Variants in CBL observed in about 807,000 individuals in gnomAD.
The protein encoded by CBL is Cbl proto-oncogene.
Under a neutral mutation model 96.9 loss-of-function variants are expected in CBL, and 45 were observed. The observed-to-expected ratio is 0.46, with a 90% CI of 0.37 to 0.60. The LOEUF is 0.60. Ranked by LOEUF, CBL falls within the 20% of genes least tolerant of loss-of-function variation. The probability of loss-of-function intolerance (pLI) is 0.00; values close to 1 mark genes in which losing one functional copy is unlikely to be tolerated. For synonymous variants in CBL, 420 were observed against 426.8 expected (o/e 0.98, Z 0.20); for missense variants, 1,024 against 1,143.5 (o/e 0.90, Z 1.51).
rs1950094111 is a variant in CBL, at chr11:119,300,492, C to A, written c.*711C>A. The stretch of plus-strand genomic sequence containing the variant: ...GAGGCCAAGCAGCTTATGGGATGTT[C>A]TTTATTGTGTGTGATGGTATTGGTT... On this transcript the variant is annotated 3_prime_UTR_variant, in exon 16 of 16. Transcript: ENST00000264033. 5.0e-6 allele frequency: 2 copies of A among 401,494 alleles called. No homozygotes were observed. Among genetic ancestry groups the A allele is most frequent in the East Asian group, 7.1e-5 (2 of 28,110 alleles). 24.9% of individuals were successfully genotyped at this position (401,494 alleles called of 1,614,324 possible).
chr11:119,236,421 C>G (rs1949546558), intron 2 of CBL, among the ~76,000 whole-genome samples: 1 of 151,796 alleles, frequency 6.6e-6, no homozygotes, highest in Admixed American at 6.6e-5. Flanking sequence ...TACCTCATTC[C>G]TTTTTATGGC....
chr11:119,295,262 TC>T (rs1275003334), intron 12 of CBL, among the ~76,000 whole-genome samples: 1 of 152,214 alleles, frequency 6.6e-6, no homozygotes, highest in Non-Finnish European at 1.5e-5. Flanking sequence ...TAGGGAAAAT[TC>T]TCAGAAATGG....
chr11:119,283,916 C>T (rs1289747430), intron 9 of CBL, among the ~76,000 whole-genome samples: 2 of 152,002 alleles, frequency 1.3e-5, no homozygotes, highest in Non-Finnish European at 2.9e-5. Context: ...CGATTACAGG[C>T]GTGAGCCACC....
intron 6 of CBL, among the ~76,000 whole-genome samples, chr11:119,276,826 CTG>C (rs1420531479): frequency 5.3e-5 from 8 of 152,218 alleles, no homozygotes; most frequent in Non-Finnish European, 4.4e-5. Flanking sequence ...ATGCTAGAAA[CTG>C]TGGATCTCCC....
chr11:119,282,708 T>C (rs1949946721), intron 9 of CBL, among the ~76,000 whole-genome samples: 1 of 152,060 alleles, frequency 6.6e-6, no homozygotes, highest in South Asian at 2.1e-4. Flanking sequence ...TTGGTGAGTG[T>C]TTAAGAATGG....
At chr11:119,256,279 C>T (rs936655514) in intron 2 of CBL, among the ~76,000 whole-genome samples, 2 of 151,612 alleles carry the variant, frequency 1.3e-5, no homozygotes, top group Admixed American at 1.3e-4. Context: ...GCAACCTCCG[C>T]CTCCTGGGAG....
At position 119,278,358 on chromosome 11, in the gene CBL, T is replaced by C; in HGVS notation, c.1227+61T>C. On this transcript the variant is annotated intron_variant, in intron 8 of 15. Transcript: ENST00000264033. ...AATAACCTTGGAAAATTCGGTATTA[T>C]ATAGCCTTTACTGATACAAGGGGTG... 24 of 1,595,162 alleles carry C rather than the reference T, an allele frequency of 1.5e-5. No individual in the cohort carries two copies. In the South Asian group the frequency reaches 2.6e-4, roughly 18 times the overall value.
Position 119,283,882 on chromosome 11 carries a change from C to T in CBL, c.1432-1087C>T, listed in dbSNP as rs575142369. Among the ~76,000 whole-genome samples, 17 of 152,064 alleles carry T rather than the reference C, an allele frequency of 1.1e-4. No individual in the cohort carries two copies. The East Asian group carries it at 3.1e-3, about 28-fold the overall frequency. On this transcript the variant is annotated intron_variant, in intron 9 of 15. Coordinates refer to ENST00000264033, the MANE Select transcript of CBL (RefSeq NM_005188.4). ...TCGATCTCCTGACCTCGTGATCCAC[C>T]CGCCTCAGCCTCCCAAAGTGCTGCG...
At chr11:119,263,269 T>C (rs1313533123) in intron 2 of CBL, among the ~76,000 whole-genome samples, 4 of 152,192 alleles carry the variant, frequency 2.6e-5, no homozygotes, top group Admixed American at 2.0e-4. Flanking sequence ...ATGTATCAGG[T>C]CAGCAGTTTG....
chr11:119,219,546 C>A (rs1475419969), intron 1 of CBL, among the ~76,000 whole-genome samples: 1 of 152,010 alleles, frequency 6.6e-6, no homozygotes, highest in Non-Finnish European at 1.5e-5. Context: ...TGGTATTATC[C>A]TTGGTTTGAG....
At chr11:119,216,678 T>G (rs1949363547) in intron 1 of CBL, among the ~76,000 whole-genome samples, 3 of 152,164 alleles carry the variant, frequency 2.0e-5, no homozygotes, top group Non-Finnish European at 2.9e-5. Context: ...CCTCTTGGAC[T>G]TATTTTAAAC....
chr11:119,298,590 T>G, intron 15 of CBL, 50 bp downstream of exon 15: 1 of 1,496,722 alleles, frequency 6.7e-7, no homozygotes, highest in Non-Finnish European at 9.3e-7. Flanking sequence ...GTGTGGCCTG[T>G]ATGTTTATAT....
intron 2 of CBL, among the ~76,000 whole-genome samples, chr11:119,254,413 C>T (rs1014892235): frequency 3.9e-5 from 6 of 152,080 alleles, no homozygotes; most frequent in African/African-American, 1.4e-4. Flanking sequence ...AGTGTACTTA[C>T]AGAAACCTAG....
At chr11:119,275,673 GC>G (rs1416636265) in intron 5 of CBL, among the ~76,000 whole-genome samples, 14 of 151,950 alleles carry the variant, frequency 9.2e-5, no homozygotes, top group Non-Finnish European at 2.1e-4. Flanking sequence ...GACTGGCCTG[GC>G]CAACATGGCG....
At chr11:119,267,833 G>C (rs1565869340) in intron 2 of CBL, among the ~76,000 whole-genome samples, 1 of 152,200 alleles carries the variant, frequency 6.6e-6, no homozygotes, top group African/African-American at 2.4e-5. Context: ...AATAGATTTA[G>C]CCATTGTGTA....
intron 2 of CBL, among the ~76,000 whole-genome samples, chr11:119,262,379 A>C (rs2082186604): frequency 6.6e-6 from 1 of 152,220 alleles, no homozygotes; most frequent in African/African-American, 2.4e-5. Flanking sequence ...TGAAGCCTGG[A>C]TATAGCCTGG....
rs779382385 is a variant in CBL at position 119,298,485 on chromosome 11, C to T, written c.2379C>T (p.Ile793=). ...TGGCCCGCCGAACTCTCTCAGATAT[C>T]TCTAATGCCAGCTCCTCCTTTGGCT... ...AVLARRTLSD[I]SNASSSFGWL... Residue 793 remains isoleucine (I), a synonymous_variant, in exon 15 of 16, where the codon ATC becomes ATT. Transcript: ENST00000264033. The T allele has an allele frequency of 1.2e-6, 2 of 1,614,198 alleles. No individual in the cohort carries two copies. The highest frequency in any genetic ancestry group is 2.7e-5 in the African/African-American group (2 of 75,050).
intron 2 of CBL, among the ~76,000 whole-genome samples, chr11:119,255,925 G>A (rs1949707686): frequency 1.3e-5 from 2 of 151,774 alleles, no homozygotes; most frequent in Admixed American, 1.3e-4. Context: ...AGTAGAGGCA[G>A]GGTTTTACTG....
At chr11:119,256,389 C>T (rs1335866973) in intron 2 of CBL, among the ~76,000 whole-genome samples, 1 of 151,976 alleles carries the variant, frequency 6.6e-6, no homozygotes, top group Admixed American at 6.6e-5. Context: ...TCATGTTGGC[C>T]AGGCTAGTCT....
Sources: gnomAD v4.1 joint callset for allele counts (sites outside exome capture counted in the v4.1 genomes callset) on GRCh38, gnomAD v4.1.1 for gene constraint, MANE v1.5 for transcripts, NCBI Gene and HGNC (gene_info 2026-07-23, HGNC 2026-07-21) for gene names.